Variants in TCF7L1 observed in about 807,000 individuals in gnomAD.
The protein encoded by TCF7L1 is transcription factor 7-like 1.
Under a neutral mutation model 63.7 loss-of-function variants are expected in TCF7L1, and 18 were observed. The observed-to-expected ratio is 0.28, with a 90% CI of 0.20 to 0.42. TCF7L1 has a LOEUF of 0.42. Among genes scored for constraint, TCF7L1 ranks in the 10% least tolerant of loss-of-function variants. The pLI is 1.00. For missense variants in TCF7L1, 654 were observed against 779.3 expected (o/e 0.84, Z 1.91); for synonymous variants, 355 against 340.9 (o/e 1.04, Z -0.46).
chr2:85,247,517 T>G (rs766263612), intron 3 of TCF7L1, among the ~76,000 whole-genome samples: 11 of 152,232 alleles, frequency 7.2e-5, no homozygotes, highest in Non-Finnish European at 1.5e-4. Context: ...ATTCAGATAC[T>G]TGTCTTTAAC....
chr2:85,282,872 T>A (rs943739141), intron 3 of TCF7L1, among the ~76,000 whole-genome samples: 2 of 150,462 alleles, frequency 1.3e-5, no homozygotes, highest in Non-Finnish European at 3.0e-5. Context: ...TTTGGGTTTT[T>A]TGCACTGACA....
chr2:85,185,622 C>T lies in TCF7L1; in HGVS notation c.441+51172C>T, dbSNP rs115960287. ...CTCCAGAGAGGGTTGTCCTGTCTATCTCTGCTTGTGGGTTTTCTGGGGAGG... is the reference window on the plus strand; with the variant it reads ...CTCCAGAGAGGGTTGTCCTGTCTATTTCTGCTTGTGGGTTTTCTGGGGAGG... On this transcript the variant is annotated intron_variant, in intron 3 of 11. Transcript: ENST00000282111. Among the ~76,000 whole-genome samples the T allele has an allele frequency of 9.0e-3, 1,365 of 152,156 alleles. 19 individuals are homozygous for T. Among genetic ancestry groups the T allele is most frequent in the African/African-American group, 0.031 (1,287 of 41,488 alleles).
chr2:85,181,813 C>T (rs1678809756), intron 3 of TCF7L1, among the ~76,000 whole-genome samples: 1 of 152,180 alleles, frequency 6.6e-6, no homozygotes, highest in African/African-American at 2.4e-5. Context: ...GCACCTCACT[C>T]ATTGACCATT....
In TCF7L1 at chr2:85,309,365, C is replaced by T. The variant is rs745409407; in HGVS notation, c.1670C>T (p.Ala557Val). 5 of 1,607,640 alleles carry T rather than the reference C, an allele frequency of 3.1e-6. No homozygotes were observed. The highest frequency in any genetic ancestry group is 4.2e-6 in the Non-Finnish European group (5 of 1,176,900). The part of the protein sequence containing the change: ...PLGSMPTALL[A>V]SPPSFPATLH... ...GGGTCCATGCCCACAGCTCTGCTGGCCTCTCCCCCGTCCTTCCCCGCCACG... is the reference window on the plus strand; with the variant it reads ...GGGTCCATGCCCACAGCTCTGCTGGTCTCTCCCCCGTCCTTCCCCGCCACG... Residue 557 changes from alanine to valine, a missense_variant, in exon 12 of 12, where the codon GCC (alanine) becomes GTC (valine). Physicochemically the swap from Ala to Val is moderately conservative, Grantham distance 64. This residue lies in a region of TCF7L1 where 184 missense variants were observed against 204.0 expected (regional missense o/e 0.90). Transcript: ENST00000282111.
chr2:85,211,021 C>T (rs1328500904), intron 3 of TCF7L1, among the ~76,000 whole-genome samples: 1 of 152,204 alleles, frequency 6.6e-6, no homozygotes, highest in Non-Finnish European at 1.5e-5. Context: ...TTGACTTCTG[C>T]ACTCATAAAA....
chr2:85,309,024 C>A lies in TCF7L1; in HGVS notation c.1334-5C>A. 1 of 1,582,874 alleles carries A rather than the reference C, an allele frequency of 6.3e-7. No individual in the cohort carries two copies. The highest frequency in any genetic ancestry group is 1.1e-5 in the South Asian group (1 of 88,176). On this transcript the variant is annotated splice_region_variant and splice_polypyrimidine_tract_variant and intron_variant, in intron 11 of 11. Transcript: ENST00000282111. ...TGCTCACTCTTTCTTGTATTTTCCCCCTAGGTGCCCTGGCCTCCAAGAGCA... is the reference window on the plus strand; with the variant it reads ...TGCTCACTCTTTCTTGTATTTTCCCACTAGGTGCCCTGGCCTCCAAGAGCA...
intron 3 of TCF7L1, among the ~76,000 whole-genome samples, chr2:85,256,646 T>C (rs181803595): frequency 4.0e-4 from 61 of 152,348 alleles, no homozygotes; most frequent in African/African-American, 1.2e-3. Context: ...CTGCAACTTA[T>C]AATCAATTTA....
chr2:85,295,991 T>G (rs1446334539), intron 4 of TCF7L1, among the ~76,000 whole-genome samples: 16 of 152,244 alleles, frequency 1.1e-4, no homozygotes, highest in Admixed American at 6.5e-4. Flanking sequence ...TTGGCCAGGC[T>G]GGTCTCAAAC....
In TCF7L1 at chr2:85,166,027, T is replaced by G. The variant is rs143596218; in HGVS notation, c.441+31577T>G. On this transcript the variant is annotated intron_variant, in intron 3 of 11. Transcript: ENST00000282111. ...CACCACAATCAGATACAGAGCTGTTTTATGGAACTTATTTTAAAACTTGAT... is the reference window on the plus strand; with the variant it reads ...CACCACAATCAGATACAGAGCTGTTGTATGGAACTTATTTTAAAACTTGAT... Among the ~76,000 whole-genome samples, 366 of 152,334 alleles carry G rather than the reference T, an allele frequency of 2.4e-3. 1 individual carries two copies. Among genetic ancestry groups the G allele is most frequent in the African/African-American group, 8.3e-3 (344 of 41,564 alleles).
At chr2:85,179,263 TTTCTTGTTTCCC>T in intron 3 of TCF7L1, among the ~76,000 whole-genome samples, 1 of 152,088 alleles carries the variant, frequency 6.6e-6, no homozygotes, top group Non-Finnish European at 1.5e-5. Flanking sequence ...CACAGAACAG[TTTCTTGTTTCCC>T]TTGGAATGAA....
At chr2:85,247,604 A>G (rs1680494848) in intron 3 of TCF7L1, among the ~76,000 whole-genome samples, 1 of 152,214 alleles carries the variant, frequency 6.6e-6, no homozygotes, top group African/African-American at 2.4e-5. Context: ...CTCCTTAAGC[A>G]GTTGAATTGA....
chr2:85,171,297 G>A (rs894286847), intron 3 of TCF7L1, among the ~76,000 whole-genome samples: 4 of 152,200 alleles, frequency 2.6e-5, no homozygotes, highest in African/African-American at 7.2e-5. Context: ...GCTACAATTC[G>A]AGATTTAGGT....
In TCF7L1 at chr2:85,172,120, G is replaced by A. The variant is rs1414181025; in HGVS notation, c.441+37670G>A. 7.9e-5 allele frequency among the ~76,000 whole-genome samples: 12 copies of A among 152,192 alleles called. 1 individual carries two copies. Among genetic ancestry groups the A allele is most frequent in the Admixed American group, 3.9e-4 (6 of 15,292 alleles). On this transcript the variant is annotated intron_variant, in intron 3 of 11. Coordinates refer to ENST00000282111, the MANE Select transcript of TCF7L1 (RefSeq NM_031283.3). ...ACCAGAAGGCCCTGATTGCAGCCAC[G>A]TGTCCACCAGGGGAGCCCCGCAGTG...
chr2:85,134,222 G>A lies in TCF7L1; in HGVS notation c.314-101G>A, dbSNP rs1383430883. ...TGGCGGCAGCCCCCGTGGGGCGCGC[G>A]TGGGGGGCGCTGGGGTCCCCAGCTC... On this transcript the variant is annotated intron_variant, in intron 2 of 11. Transcript: ENST00000282111. This position sits in a 1 kb window ranked among gnomAD's most constrained non-coding sequence, Gnocchi z 5.0. The A allele has an allele frequency of 3.4e-6, 5 of 1,477,034 alleles. No homozygotes were observed. The highest frequency in any genetic ancestry group is 1.4e-5 in the South Asian group (1 of 72,380). 91.5% of individuals were successfully genotyped at this position (1,477,034 alleles called of 1,614,324 possible).
chr2:85,302,809 C>T (rs1395001335), intron 5 of TCF7L1, among the ~76,000 whole-genome samples, 193 bp downstream of exon 5: 1 of 152,080 alleles, frequency 6.6e-6, no homozygotes, highest in African/African-American at 2.4e-5. Flanking sequence ...GTACCTTCTC[C>T]ACCATAGGGT....
intron 3 of TCF7L1, among the ~76,000 whole-genome samples, chr2:85,274,079 G>C (rs1283849682): frequency 2.0e-5 from 3 of 152,186 alleles, no homozygotes; most frequent in African/African-American, 7.2e-5. Context: ...GACAGAGGGA[G>C]GGGCCCAGCA....
chr2:85,209,490 T>C (rs1233519469), intron 3 of TCF7L1, among the ~76,000 whole-genome samples: 1 of 152,214 alleles, frequency 6.6e-6, no homozygotes, highest in African/African-American at 2.4e-5. Context: ...AAAGGCACTG[T>C]TTGAAACCTC....
intron 3 of TCF7L1, among the ~76,000 whole-genome samples, chr2:85,242,561 G>A (rs150628287): frequency 6.6e-6 from 1 of 152,248 alleles, no homozygotes; most frequent in African/African-American, 2.4e-5. Flanking sequence ...GGGAGAGTCA[G>A]TGAGGTCCAT....
chr2:85,205,443 C>T (rs1430518026), intron 3 of TCF7L1, among the ~76,000 whole-genome samples: 1 of 151,870 alleles, frequency 6.6e-6, no homozygotes, highest in African/African-American at 2.4e-5. Flanking sequence ...ATGATGGACT[C>T]ATGTGCAGAT....
Sources: gnomAD v4.1 joint callset for allele counts (sites outside exome capture counted in the v4.1 genomes callset) on GRCh38, gnomAD v4.1.1 for gene constraint, gnomAD v4.1.1 regional missense constraint, Gnocchi (gnomAD v3.1) non-coding constraint, MANE v1.5 for transcripts, NCBI Gene and HGNC (gene_info 2026-07-23, HGNC 2026-07-21) for gene names.